The following NFYC variants were observed in gnomAD, a reference collection of about 807,000 sequenced individuals.
NFYC encodes the protein CAAT box DNA-binding protein subunit C.
NFYC carries 25 observed loss-of-function variants against 53.1 expected under a neutral mutation model. The observed-to-expected ratio is 0.47, with a 90% CI of 0.34 to 0.66. NFYC has a LOEUF of 0.66. NFYC is among the 30% of genes least tolerant of loss of function. The pLI, the probability that NFYC is intolerant of heterozygous loss-of-function variation, is 0.01. For missense variants in NFYC, 260 were observed against 422.7 expected (o/e 0.62, Z 3.38); for synonymous variants, 145 against 152.6 (o/e 0.95, Z 0.37).
intron 1 of NFYC, among the ~76,000 whole-genome samples, chr1:40,705,614 C>A (rs1643658356): frequency 6.6e-6 from 1 of 152,152 alleles, no homozygotes; most frequent in South Asian, 2.1e-4. Context: ...TGGTTTGTTA[C>A]TGGTTAAATG....
intron 1 of NFYC, among the ~76,000 whole-genome samples, chr1:40,715,340 G>C (rs1202165061): frequency 6.6e-6 from 1 of 151,538 alleles, no homozygotes; most frequent in Non-Finnish European, 1.5e-5. Context: ...CCATGATAGT[G>C]CCACTGCACT....
intron 2 of NFYC, among the ~76,000 whole-genome samples, chr1:40,741,834 G>A (rs1054082639): frequency 6.6e-6 from 1 of 151,722 alleles, no homozygotes; most frequent in Admixed American, 6.6e-5. Flanking sequence ...AAACTTCTGG[G>A]CTCAAGCATT....
chr1:40,698,954 G>T (rs1230365855), intron 1 of NFYC, among the ~76,000 whole-genome samples: 1 of 151,960 alleles, frequency 6.6e-6, no homozygotes, highest in Non-Finnish European at 1.5e-5. Context: ...CATGAGGTCA[G>T]GAGTTTAAGA....
chr1:40,733,019 C>CCTTT (rs35467973), intron 1 of NFYC, among the ~76,000 whole-genome samples: 2 of 103,190 alleles, frequency 1.9e-5, no homozygotes, highest in African/African-American at 3.8e-5. Context: ...CCCCCCCCCC[C>CCTTT]TTTTTTTTTT....
At chr1:40,694,099 C>G (rs1417421950) in intron 1 of NFYC, among the ~76,000 whole-genome samples, 1 of 152,206 alleles carries the variant, frequency 6.6e-6, no homozygotes, top group Non-Finnish European at 1.5e-5. Context: ...TGCAGATAGT[C>G]TTTCTGTATG....
At position 40,715,879 on chromosome 1, in the gene NFYC, C is replaced by T. The variant is rs547784654; in HGVS notation, c.-8-22957C>T. Among the ~76,000 whole-genome samples, 446 of 152,204 alleles carry T rather than the reference C, an allele frequency of 2.9e-3. 1 individual carries two copies. The highest frequency in any genetic ancestry group is 0.01 in the African/African-American group (425 of 41,530). ...CATTGTGACCTTGTGTTCCTTAGTT[C>T]AAAGAAAGAAGACTAAAATAACTAC... On this transcript the variant is annotated intron_variant, in intron 1 of 9. Coordinates refer to ENST00000447388, the MANE Select transcript of NFYC (RefSeq NM_014223.5).
At chr1:40,716,229 T>C (rs1644131098) in intron 1 of NFYC, among the ~76,000 whole-genome samples, 1 of 152,194 alleles carries the variant, frequency 6.6e-6, no homozygotes, top group South Asian at 2.1e-4. Flanking sequence ...GAAACTGATA[T>C]GGAAAGAACA....
intron 5 of NFYC, 124 bp from the exon 6 acceptor site, chr1:40,757,997 T>C: frequency 9.8e-7 from 1 of 1,020,030 alleles, no homozygotes; most frequent in Non-Finnish European, 1.5e-6. Flanking sequence ...TGGCTTCAAA[T>C]GTGGAGAGCT....
Position 40,753,240 on chromosome 1 carries a change from G to A in NFYC, c.381G>A (p.Lys127=), listed in dbSNP as rs1220032049. Residue 127 remains lysine, a synonymous_variant, in exon 5 of 10, where the codon AAG becomes AAA. Coordinates refer to ENST00000447388, the MANE Select transcript of NFYC (RefSeq NM_014223.5). ...CAAGAGATGAACTGAAACCTCCAAA[G>A]CGTCAGGTGAGCTGTGAAGGGATTG... The part of the protein sequence containing the change: ...IVPRDELKPP[K]RQEEVRQSVT... The A allele has an allele frequency of 6.2e-7, 1 of 1,613,068 alleles. No homozygotes were observed. Among genetic ancestry groups the A allele is most frequent in the Non-Finnish European group, 8.5e-7 (1 of 1,179,130 alleles).
At chr1:40,746,100 C>G (rs1645593684) in intron 2 of NFYC, among the ~76,000 whole-genome samples, 1 of 152,104 alleles carries the variant, frequency 6.6e-6, no homozygotes, top group African/African-American at 2.4e-5. Context: ...AGGGGAAAAA[C>G]AAGAATAGAA....
At chr1:40,749,449 C>CT in intron 3 of NFYC, 124 bp from the exon 4 acceptor site, 1 of 715,092 alleles carries the variant, frequency 1.4e-6, no homozygotes, top group East Asian at 2.5e-5. Context: ...CTTGGAATCT[C>CT]TTGAGTATAC....
chr1:40,755,674 G>C (rs1646174746), intron 5 of NFYC, among the ~76,000 whole-genome samples: 1 of 152,172 alleles, frequency 6.6e-6, no homozygotes, highest in Admixed American at 6.5e-5. Flanking sequence ...AAGAGCCTTA[G>C]ATATGCCTTC....
At chr1:40,755,698 A>G (rs1371120859) in intron 5 of NFYC, among the ~76,000 whole-genome samples, 2 of 152,124 alleles carry the variant, frequency 1.3e-5, no homozygotes, top group Non-Finnish European at 2.9e-5. Flanking sequence ...CATTCCAGTG[A>G]TTTGAGAACA....
Position 40,770,907 on chromosome 1 carries a change from C to A in NFYC, c.*79C>A. The A allele has an allele frequency of 6.7e-7, 1 of 1,500,198 alleles. No individual in the cohort carries two copies. Among genetic ancestry groups the A allele is most frequent in the Non-Finnish European group, 9.1e-7 (1 of 1,100,468 alleles). The allele number at this position is 1,500,198 out of a possible 1,614,324, so 92.9% of individuals were successfully genotyped here. On this transcript the variant is annotated 3_prime_UTR_variant, in exon 10 of 10. Transcript: ENST00000447388. This position sits in a 1 kb window ranked among gnomAD's most constrained non-coding sequence, Gnocchi z 5.3. ...CCAGGCAATGGGCACAGCCTTCCTC[C>A]CCAGAGGACCCGGCCGACCTCAGCG...
At chr1:40,756,468 T>G (rs1646228071) in intron 5 of NFYC, among the ~76,000 whole-genome samples, 1 of 152,218 alleles carries the variant, frequency 6.6e-6, no homozygotes, top group Admixed American at 6.5e-5. Context: ...GGTATCTCCC[T>G]AAGCTGGGTA....
chr1:40,756,609 G>A (rs1320853835), intron 5 of NFYC, among the ~76,000 whole-genome samples: 1 of 152,194 alleles, frequency 6.6e-6, no homozygotes, highest in African/African-American at 2.4e-5. Flanking sequence ...TTCCACAGGG[G>A]ACACTAGCTG....
intron 8 of NFYC, chr1:40,768,518 G>C (rs1255211213): frequency 1.3e-5 from 2 of 152,246 alleles, no homozygotes; most frequent in African/African-American, 4.8e-5. Flanking sequence ...TGTCTTGCAG[G>C]CTGGCTGTGA....
At chr1:40,750,599 A>G (rs1045988044) in intron 4 of NFYC, among the ~76,000 whole-genome samples, 3 of 141,014 alleles carry the variant, frequency 2.1e-5, no homozygotes, top group Non-Finnish European at 1.6e-5. Flanking sequence ...AAGCAAAAAA[A>G]GCAAAAAATA....
rs188508867 is a variant in NFYC, at chr1:40,693,792, G to C, written c.-9+1925G>C. Reference sequence around the variant, plus strand: ...ACTAATGAAACTTCCAGATAATTTTGTATTTCCAAGTGGATCATCTACTTT... The same window carrying C: ...ACTAATGAAACTTCCAGATAATTTTCTATTTCCAAGTGGATCATCTACTTT... On this transcript the variant is annotated intron_variant, in intron 1 of 9. Coordinates refer to ENST00000447388, the MANE Select transcript of NFYC (RefSeq NM_014223.5). Among the ~76,000 whole-genome samples the C allele has an allele frequency of 3.3e-5, 5 of 152,318 alleles. No individual in the cohort carries two copies. In the East Asian group the frequency reaches 9.6e-4, roughly 29 times the overall value.
Sources: gnomAD v4.1 joint callset for allele counts (sites outside exome capture counted in the v4.1 genomes callset) on GRCh38, gnomAD v4.1.1 for gene constraint, Gnocchi (gnomAD v3.1) non-coding constraint, MANE v1.5 for transcripts, NCBI Gene and HGNC (gene_info 2026-07-23, HGNC 2026-07-21) for gene names.